The following GMEB1 variants were observed in gnomAD, a reference collection of about 807,000 sequenced individuals.
GMEB1 encodes the protein glucocorticoid modulatory element binding protein 1.
GMEB1 carries 6 observed loss-of-function variants against 52.4 expected under a neutral mutation model. The ratio of observed to expected loss-of-function variants is 0.11; its 90% CI spans 0.06 to 0.23. The LOEUF (loss-of-function observed/expected upper bound fraction) is 0.23. GMEB1 is among the 10% of genes least tolerant of loss of function. The probability of loss-of-function intolerance (pLI) is 1.00; values close to 1 mark genes in which losing one functional copy is unlikely to be tolerated. For synonymous variants in GMEB1, 255 were observed against 244.9 expected (o/e 1.04, Z -0.38); for missense variants, 486 against 685.6 (o/e 0.71, Z 3.25).
chr1:28,705,807 T>C (rs1270954032), intron 8 of GMEB1, among the ~76,000 whole-genome samples: 10 of 151,950 alleles, frequency 6.6e-5, no homozygotes, highest in Admixed American at 6.6e-4. Flanking sequence ...GTCCACTATG[T>C]GTATGTATAG....
rs879212606 is a variant in GMEB1, at chr1:28,690,203, G to GGTTTTTTTTTTTTTTTT, written c.211+17_211+18insGTTTTTTTTTTTTTTTT. On this transcript the variant is annotated intron_variant, in intron 3 of 9. Transcript: ENST00000373816. ...AAGGGATTGGTAAGGGTTTTTTTGT[G>GGTTTTTTTTTTTTTTTT]TTTTTTTTTTTTTTTTTTTTTGTCA... The GGTTTTTTTTTTTTTTTT allele has an allele frequency of 7.7e-6, 4 of 516,166 alleles. No homozygotes were observed. Among genetic ancestry groups the GGTTTTTTTTTTTTTTTT allele is most frequent in the African/African-American group, 2.9e-5 (1 of 34,558 alleles). 32.0% of individuals were successfully genotyped at this position (516,166 alleles called of 1,614,324 possible). A position where few individuals can be genotyped will look rare whatever the true frequency, so the allele number is the denominator to read the frequency against.
rs1157094477 is a variant in GMEB1 at position 28,687,381 on chromosome 1, C to CAAAAAAA, written c.129-2722_129-2721insAAAAAAA. On this transcript the variant is annotated intron_variant, in intron 2 of 9. Coordinates refer to ENST00000373816, the MANE Select transcript of GMEB1 (RefSeq NM_001319674.2). ...ACACACACACACACACACACACACACACACACAAAAAAAGACAGTGGAGAA... is the reference window on the plus strand; with the variant it reads ...ACACACACACACACACACACACACACAAAAAAAACACACAAAAAAAGACAGTGGAGAA... 2.2e-3 allele frequency among the ~76,000 whole-genome samples: 61 copies of CAAAAAAA among 27,164 alleles called. 12 individuals are homozygous for CAAAAAAA. The highest frequency in any genetic ancestry group is 3.5e-3 in the African/African-American group (28 of 8,018). The allele number at this position is 27,164 out of a possible 152,430, so 17.8% of individuals were successfully genotyped here.
At position 28,674,966 on chromosome 1, in the gene GMEB1, G is replaced by A. The variant is rs1339897048; in HGVS notation, c.-31+6127G>A. The stretch of plus-strand genomic sequence containing the variant: ...GATCTCCTGACCTCGTGATCCGCCC[G>A]CCTCGGCCTCCCAAAGTGCTGGGAT... On this transcript the variant is annotated intron_variant, in intron 1 of 9. Coordinates refer to ENST00000373816, the MANE Select transcript of GMEB1 (RefSeq NM_001319674.2). 4.9e-5 allele frequency among the ~76,000 whole-genome samples: 7 copies of A among 142,078 alleles called. No homozygotes were observed. In the East Asian group the frequency reaches 8.4e-4, roughly 17 times the overall value. 93.2% of individuals were successfully genotyped at this position (142,078 alleles called of 152,430 possible).
intron 2 of GMEB1, among the ~76,000 whole-genome samples, chr1:28,688,472 A>G (rs928995244): frequency 3.9e-5 from 6 of 152,182 alleles, no homozygotes; most frequent in African/African-American, 1.4e-4. Flanking sequence ...TATTACAGAA[A>G]TTAAATAAAG....
intron 9 of GMEB1, 30 bp from the exon 10 acceptor site, chr1:28,714,043 C>G (rs1671177071): frequency 7.8e-6 from 12 of 1,539,294 alleles, no homozygotes; most frequent in Non-Finnish European, 9.8e-6. Context: ...TTACTTCCCT[C>G]TACACAAAGT....
intron 5 of GMEB1, among the ~76,000 whole-genome samples, chr1:28,695,479 G>T (rs538414580): frequency 1.3e-5 from 2 of 150,274 alleles, no homozygotes; most frequent in Admixed American, 6.6e-5. Context: ...TGATCCACCC[G>T]CCTTGGCCTC....
rs1332936768 is a variant in GMEB1 at position 28,699,491 on chromosome 1, G to A, written c.598+2407G>A. Among the ~76,000 whole-genome samples, 18 of 151,732 alleles carry A rather than the reference G, an allele frequency of 1.2e-4. 1 individual carries two copies. The highest frequency in any genetic ancestry group is 1.2e-3 in the Admixed American group (18 of 15,208). On this transcript the variant is annotated intron_variant, in intron 6 of 9. Coordinates refer to ENST00000373816, the MANE Select transcript of GMEB1 (RefSeq NM_001319674.2). ...GTCACCCGGGCTGGAGTGCAATGGT[G>A]CAATCTTGGCTCACTGCAACCTCCC... is the stretch of plus-strand genomic sequence containing the variant.
At chr1:28,698,158 C>G (rs1364510794) in intron 6 of GMEB1, among the ~76,000 whole-genome samples, 1 of 151,484 alleles carries the variant, frequency 6.6e-6, no homozygotes, top group African/African-American at 2.4e-5. Context: ...AAAATGAGGT[C>G]AAGAGATCGA....
chr1:28,704,179 C>A lies in GMEB1; in HGVS notation c.731-13C>A. 6.2e-7 allele frequency: 1 copy of A among 1,605,738 alleles called. No homozygotes were observed. Among genetic ancestry groups the A allele is most frequent in the Non-Finnish European group, 8.5e-7 (1 of 1,175,710 alleles). On this transcript the variant is annotated splice_polypyrimidine_tract_variant and intron_variant, in intron 7 of 9. Transcript: ENST00000373816. ...TCTCTTTTTTACCCTCTGTCTTATC[C>A]TTCTTGTGCCAGAGGACACTTTGAT...
intron 8 of GMEB1, among the ~76,000 whole-genome samples, chr1:28,708,105 C>T (rs569693115): frequency 1.4e-4 from 22 of 152,016 alleles, no homozygotes; most frequent in Non-Finnish European, 2.5e-4. Context: ...TGCCATATTG[C>T]GCAGGCTGGT....
chr1:28,711,210 C>G (rs1244721625), intron 9 of GMEB1, among the ~76,000 whole-genome samples: 3 of 151,048 alleles, frequency 2.0e-5, no homozygotes, highest in Non-Finnish European at 4.4e-5. Flanking sequence ...GGCGTGAACC[C>G]GGGAGGCGGA....
chr1:28,692,445 T>A (rs1173833634), intron 4 of GMEB1, among the ~76,000 whole-genome samples: 1 of 151,706 alleles, frequency 6.6e-6, no homozygotes, highest in African/African-American at 2.4e-5. Context: ...GGCAGGAGAA[T>A]CACTTGAACC....
chr1:28,691,555 A>G (rs1301995306), intron 3 of GMEB1, 30 bp from the exon 4 acceptor site: 1 of 1,477,028 alleles, frequency 6.8e-7, no homozygotes, highest in South Asian at 1.3e-5. Flanking sequence ...GAGTTGTTTG[A>G]TAAATAACTG....
At chr1:28,676,881 G>A (rs1385520117) in intron 1 of GMEB1, among the ~76,000 whole-genome samples, 1 of 151,964 alleles carries the variant, frequency 6.6e-6, no homozygotes, top group Non-Finnish European at 1.5e-5. Flanking sequence ...GTGAAACCCT[G>A]ACTCTACTAA....
intron 8 of GMEB1, among the ~76,000 whole-genome samples, chr1:28,704,716 C>G (rs1028468726): frequency 6.6e-6 from 1 of 151,986 alleles, no homozygotes; most frequent in Non-Finnish European, 1.5e-5. Context: ...AAGCAATTCT[C>G]TCTGCCTCAG....
At chr1:28,700,031 A>G (rs1208168483) in intron 6 of GMEB1, among the ~76,000 whole-genome samples, 2 of 142,146 alleles carry the variant, frequency 1.4e-5, no homozygotes, top group African/African-American at 5.3e-5. Context: ...ACTCCAACCT[A>G]GGTGACAGGA....
intron 1 of GMEB1, among the ~76,000 whole-genome samples, chr1:28,674,179 G>C (rs1669034024): frequency 6.6e-6 from 1 of 151,054 alleles, no homozygotes; most frequent in Admixed American, 6.6e-5. Context: ...ATGAAAAAAA[G>C]GAAAACAGAA....
Position 28,687,375 on chromosome 1 carries a change from C to CAAAAA in GMEB1, c.129-2728_129-2727insAAAAA, listed in dbSNP as rs1442461404. On this transcript the variant is annotated intron_variant, in intron 2 of 9. Coordinates refer to ENST00000373816, the MANE Select transcript of GMEB1 (RefSeq NM_001319674.2). ...ACACACACACACACACACACACACA[C>CAAAAA]ACACACACACACAAAAAAAGACAGT... Among the ~76,000 whole-genome samples the CAAAAA allele has an allele frequency of 5.7e-4, 11 of 19,196 alleles. 1 individual carries two copies. The highest frequency in any genetic ancestry group is 0.012 in the East Asian group (2 of 162). The allele number at this position is 19,196 out of a possible 152,430, so 12.6% of individuals were successfully genotyped here.
intron 9 of GMEB1, among the ~76,000 whole-genome samples, chr1:28,711,772 G>T (rs1262004175): frequency 2.0e-5 from 3 of 152,128 alleles, no homozygotes. Flanking sequence ...TATTTTTCAA[G>T]TTGCTACTCA....
Sources: gnomAD v4.1 joint callset for allele counts (sites outside exome capture counted in the v4.1 genomes callset) on GRCh38, gnomAD v4.1.1 for gene constraint, MANE v1.5 for transcripts, NCBI Gene and HGNC (gene_info 2026-07-23, HGNC 2026-07-21) for gene names.